The following FAM78B variants were observed in gnomAD, a reference collection of about 807,000 sequenced individuals.
FAM78B encodes protein FAM78B.
In FAM78B, 10 loss-of-function variants were observed where a neutral mutation model predicts 20.0. The ratio of observed to expected loss-of-function variants is 0.50; its 90% CI spans 0.31 to 0.85. The LOEUF is 0.85. Among genes scored for constraint, FAM78B ranks in the 40% least tolerant of loss-of-function variants. The pLI is 0.05. For synonymous variants in FAM78B, 135 were observed against 132.8 expected (o/e 1.02, Z -0.12); for missense variants, 283 against 345.0 (o/e 0.82, Z 1.42).
downstream of FAM78B, among the ~76,000 whole-genome samples, chr1:166,068,971 C>G (rs181926041): frequency 1.1e-4 from 17 of 152,266 alleles, no homozygotes; most frequent in East Asian, 2.7e-3. Flanking sequence ...CTCATCTTTA[C>G]TGGTTAAATC....
At chr1:166,067,655 C>A (rs1439245559), downstream of FAM78B, among the ~76,000 whole-genome samples, 1 of 152,100 alleles carries the variant, frequency 6.6e-6, no homozygotes, top group African/African-American at 2.4e-5. Context: ...GAAAAGGGGT[C>A]ATTTCCTTGT....
chr1:166,067,356 C>T (rs529512509), downstream of FAM78B, among the ~76,000 whole-genome samples: 1 of 152,168 alleles, frequency 6.6e-6, no homozygotes, highest in South Asian at 2.1e-4. Context: ...TGATGAAATG[C>T]TTTTTCCTAC....
At chr1:166,141,193 T>C (rs887180687) in intron 1 of FAM78B, among the ~76,000 whole-genome samples, 5 of 152,204 alleles carry the variant, frequency 3.3e-5, no homozygotes, top group Non-Finnish European at 5.9e-5. Context: ...TGCTAGGTAC[T>C]GGGGACAGCA....
chr1:166,149,743 G>A (rs905432983), intron 1 of FAM78B, among the ~76,000 whole-genome samples: 1 of 152,132 alleles, frequency 6.6e-6, no homozygotes, highest in African/African-American at 2.4e-5. Context: ...ACCACCTTGA[G>A]CTCCATATCG....
chr1:166,109,826 A>G (rs1181772977), intron 1 of FAM78B, among the ~76,000 whole-genome samples: 16 of 16,862 alleles, frequency 9.5e-4, no homozygotes, highest in African/African-American at 2.3e-3. Context: ...ATATATATAT[A>G]TATATGTATA....
At chr1:166,098,247 C>A (rs1653365639) in intron 1 of FAM78B, among the ~76,000 whole-genome samples, 2 of 152,102 alleles carry the variant, frequency 1.3e-5, no homozygotes, top group Admixed American at 6.5e-5. Flanking sequence ...AACCCTAGAC[C>A]TTCCCTTTGA....
intron 1 of FAM78B, among the ~76,000 whole-genome samples, chr1:166,101,283 G>A (rs931602370): frequency 2.0e-4 from 30 of 152,262 alleles, no homozygotes; most frequent in African/African-American, 5.1e-4. Flanking sequence ...AAATCAGAGC[G>A]CCTCTTCTCG....
intron 1 of FAM78B, among the ~76,000 whole-genome samples, chr1:166,153,813 T>C (rs1475502716): frequency 6.6e-6 from 1 of 152,068 alleles, no homozygotes; most frequent in Non-Finnish European, 1.5e-5. Context: ...AGGTATATAC[T>C]CGTCTCCCTC....
intron 1 of FAM78B, among the ~76,000 whole-genome samples, chr1:166,140,922 T>A (rs968072136): frequency 2.0e-5 from 3 of 152,322 alleles, no homozygotes; most frequent in Admixed American, 1.3e-4. Context: ...TCATTAGTGC[T>A]CAGAGGAACC....
chr1:166,152,328 C>T (rs1214823737), intron 1 of FAM78B, among the ~76,000 whole-genome samples: 1 of 152,214 alleles, frequency 6.6e-6, no homozygotes, highest in African/African-American at 2.4e-5. Context: ...CAGTTCCACG[C>T]TGGCGGGATG....
rs866707879 is a variant in FAM78B, at chr1:166,109,859, T to C, written c.264-39096A>G. Among the ~76,000 whole-genome samples, 24 of 23,668 alleles carry C rather than the reference T, an allele frequency of 1.0e-3. 2 individuals are homozygous for C. The highest frequency in any genetic ancestry group is 2.7e-3 in the African/African-American group (23 of 8,520). The allele number at this position is 23,668 out of a possible 152,430, so 15.5% of individuals were successfully genotyped here. A position where few individuals can be genotyped will look rare whatever the true frequency, so the allele number is the denominator to read the frequency against. ...ATATATGTATATATATATATATATA[T>C]ATGTATGTGTATATATATATATGTA... On this transcript the variant is annotated intron_variant, in intron 1 of 1. Transcript: ENST00000354422.
At chr1:166,152,052 AAAAGACAAATTTTCTC>A (rs1421288519) in intron 1 of FAM78B, among the ~76,000 whole-genome samples, 1 of 152,198 alleles carries the variant, frequency 6.6e-6, no homozygotes, top group African/African-American at 2.4e-5. Flanking sequence ...ACAGGTTCTG[AAAAGACAAATTTTCTC>A]AAAGACATTT....
At chr1:166,140,744 C>A (rs946306825) in intron 1 of FAM78B, among the ~76,000 whole-genome samples, 3 of 152,120 alleles carry the variant, frequency 2.0e-5, no homozygotes, top group African/African-American at 4.8e-5. Flanking sequence ...AACAAAGAAG[C>A]CTTTTTTGGG....
At chr1:166,125,419 T>C (rs930023049) in intron 1 of FAM78B, among the ~76,000 whole-genome samples, 2 of 152,198 alleles carry the variant, frequency 1.3e-5, no homozygotes, top group African/African-American at 4.8e-5. Flanking sequence ...GCAATCATTA[T>C]GGCCAGTCAT....
Position 166,166,252 on chromosome 1 carries a change from G to A in FAM78B, c.-4C>T, listed in dbSNP as rs1225091686. 72 of 1,403,068 alleles carry A rather than the reference G, an allele frequency of 5.1e-5. No homozygotes were observed. Among genetic ancestry groups the A allele is most frequent in the Non-Finnish European group, 6.6e-5 (71 of 1,070,904 alleles). The allele number at this position is 1,403,068 out of a possible 1,614,324, so 86.9% of individuals were successfully genotyped here. Reference sequence around the variant, plus strand: ...TGATGCTTTGGATACAGCCCATCCTGCAGCCCGGTGCCGGCACGGCGCGGC... The same window carrying A: ...TGATGCTTTGGATACAGCCCATCCTACAGCCCGGTGCCGGCACGGCGCGGC... On this transcript the variant is annotated 5_prime_UTR_variant, in exon 1 of 2. Transcript: ENST00000354422.
At position 166,099,605 on chromosome 1, in the gene FAM78B, C is replaced by T. The variant is rs184395220; in HGVS notation, c.264-28842G>A. On this transcript the variant is annotated intron_variant, in intron 1 of 1. Transcript: ENST00000354422. ...CCATTTCATGCAAATGGGGTAGCAG[C>T]GAGCAGGGGTAGGTAGCTATTCTTA... Among the ~76,000 whole-genome samples, 322 of 152,182 alleles carry T rather than the reference C, an allele frequency of 2.1e-3. 1 individual carries two copies. Among genetic ancestry groups the T allele is most frequent in the African/African-American group, 7.4e-3 (309 of 41,520 alleles).
At chr1:166,156,628 C>T (rs1655906434) in intron 1 of FAM78B, among the ~76,000 whole-genome samples, 1 of 152,038 alleles carries the variant, frequency 6.6e-6, no homozygotes, top group Non-Finnish European at 1.5e-5. Context: ...ATGAGAGGTC[C>T]CCTTATAAAG....
intron 1 of FAM78B, among the ~76,000 whole-genome samples, chr1:166,125,029 T>G (rs1424534193): frequency 2.6e-5 from 4 of 152,236 alleles, no homozygotes; most frequent in East Asian, 1.9e-4. Context: ...TTAAGCAAAT[T>G]TGGCTTCTCC....
chr1:166,166,060 G>T lies in FAM78B; in HGVS notation c.189C>A (p.His63Gln). 1 of 1,613,998 alleles carries T rather than the reference G, an allele frequency of 6.2e-7. No individual in the cohort carries two copies. Among genetic ancestry groups the T allele is most frequent in the Non-Finnish European group, 8.5e-7 (1 of 1,180,016 alleles). ...GAATCCAGCCCACCACCCAGGTCTC[G>T]TGGCGGGGGATGGGGGGCATGACCA... ...ARVVMPPIPR[H>Q]ETWVVGWIQA... The change falls in exon 1 of 2, where the codon CAC becomes CAA. Residue 63 changes from histidine to glutamine, a missense_variant. By Grantham distance (24) the His-to-Gln change is conservative. Coordinates refer to ENST00000354422, the MANE Select transcript of FAM78B (RefSeq NM_001017961.5).
Sources: allele counts gnomAD v4.1 joint callset (sites outside exome capture counted in the v4.1 genomes callset), GRCh38; gene constraint gnomAD v4.1.1; transcripts MANE v1.5; gene names NCBI Gene and HGNC (gene_info 2026-07-23, HGNC 2026-07-21).